The following ADAMTS9 variants were observed in gnomAD, a reference collection of about 807,000 sequenced individuals.
The protein encoded by ADAMTS9 is ADAM metallopeptidase with thrombospondin type 1 motif 9, also known as A disintegrin and metalloproteinase with thrombospondin motifs 9.
ADAMTS9 carries 107 observed loss-of-function variants against 257.1 expected under a neutral mutation model. The ratio of observed to expected loss-of-function variants is 0.42; its 90% CI spans 0.36 to 0.49. The LOEUF (loss-of-function observed/expected upper bound fraction) is 0.49. ADAMTS9 is among the 20% of genes least tolerant of loss of function. The probability of loss-of-function intolerance (pLI) is 0.03; values close to 1 mark genes in which losing one functional copy is unlikely to be tolerated. For missense variants in ADAMTS9, 2,353 were observed against 2,469.1 expected, an observed-to-expected ratio of 0.95 and a Z score of 1.00; for synonymous variants, 982 against 880.9, an observed-to-expected ratio of 1.11 and a Z score of -2.03.
At chr3:64,525,421 T>C (rs13087021) in intron 38 of ADAMTS9, among the ~76,000 whole-genome samples, 95,296 of 151,996 alleles carry the variant, frequency 0.63, 35,247 homozygotes, top group Non-Finnish European at 0.85. Context: ...AATAACACTA[T>C]GATGAACATA....
In ADAMTS9 at chr3:64,624,565, G is replaced by C. The variant is rs576153705; in HGVS notation, c.2390-1979C>G. ...ATTTATTTATTAAAAGGTCAAGAGA[G>C]CTTATTGGGAAAGTTAATAAATCTC... On this transcript the variant is annotated intron_variant, in intron 16 of 39. Transcript: ENST00000498707. Among the ~76,000 whole-genome samples, 97 of 152,242 alleles carry C rather than the reference G, an allele frequency of 6.4e-4. 2 individuals carry two copies. The highest frequency in any genetic ancestry group is 2.0e-3 in the African/African-American group (85 of 41,572).
chr3:64,594,689 G>T (rs2084329797), intron 27 of ADAMTS9, among the ~76,000 whole-genome samples: 1 of 152,176 alleles, frequency 6.6e-6, no homozygotes, highest in African/African-American at 2.4e-5. Context: ...ATCTAATCAA[G>T]AGGAGTGTAA....
chr3:64,651,285 TGAACCCTG>T (rs1700925923), intron 8 of ADAMTS9, 122 bp from the exon 9 acceptor site: 1 of 710,040 alleles, frequency 1.4e-6, no homozygotes, highest in Non-Finnish European at 2.2e-6. Context: ...GATAAGAACC[TGAACCCTG>T]GTAAGCAGAA....
At chr3:64,670,758 C>G (rs1701467261) in intron 3 of ADAMTS9, among the ~76,000 whole-genome samples, 2 of 152,154 alleles carry the variant, frequency 1.3e-5, no homozygotes, top group Admixed American at 1.3e-4. Context: ...CAAATATGCA[C>G]ATGAAGAAAT....
At position 64,658,679 on chromosome 3, in the gene ADAMTS9, C is replaced by G. The variant is rs73832368; in HGVS notation, c.792G>C (p.Glu264Asp). 6.2e-7 allele frequency: 1 copy of G among 1,614,012 alleles called. No individual in the cohort carries two copies. The highest frequency in any genetic ancestry group is 1.3e-5 in the African/African-American group (1 of 74,968). Residue 264 changes from glutamate to aspartate, a missense_variant, in exon 4 of 40, where the codon GAG becomes GAC. Transcript: ENST00000498707. The part of the protein sequence containing the change: ...VAALNSGLAT[E>D]AFSAYGNKTD... ...TCTTATTACCATAAGCAGAAAATGC[C>G]TCTGTTGCTAAGCCGCTGTTTAATG...
intron 32 of ADAMTS9, 126 bp from the exon 33 acceptor site, chr3:64,542,096 AAT>A (rs2083131326): frequency 7.7e-7 from 1 of 1,297,024 alleles, no homozygotes; most frequent in African/African-American, 1.5e-5. Flanking sequence ...TGTGTCGCTG[AAT>A]ACAAAAAGCT....
At chr3:64,627,345 A>G (rs1700248820) in intron 16 of ADAMTS9, among the ~76,000 whole-genome samples, 1 of 151,822 alleles carries the variant, frequency 6.6e-6, no homozygotes, top group South Asian at 2.1e-4. Flanking sequence ...ATCTGCCGTG[A>G]TAAATGGTTT....
chr3:64,564,735 T>C (rs982245871), intron 29 of ADAMTS9, among the ~76,000 whole-genome samples: 1 of 151,816 alleles, frequency 6.6e-6, no homozygotes, highest in Non-Finnish European at 1.5e-5. Context: ...TCTCTAGACA[T>C]TCCCAAATGT....
chr3:64,631,768 A>ACC (rs1426456283), intron 15 of ADAMTS9, 40 bp downstream of exon 15: 2 of 1,534,338 alleles, frequency 1.3e-6, no homozygotes, highest in Non-Finnish European at 1.8e-6. Context: ...TCAAACTTTG[A>ACC]CCATATTCCT....
At chr3:64,633,333 G>T in intron 14 of ADAMTS9, 139 bp downstream of exon 14, 1 of 1,299,534 alleles carries the variant, frequency 7.7e-7, no homozygotes, top group Non-Finnish European at 1.1e-6. Context: ...TGCTGTTGCT[G>T]ATCCCGGGGC....
intron 26 of ADAMTS9, among the ~76,000 whole-genome samples, chr3:64,598,881 T>C (rs541433986): frequency 6.6e-6 from 1 of 152,318 alleles, no homozygotes; most frequent in Non-Finnish European, 1.5e-5. Context: ...CTCAATGTTT[T>C]AACCTGTGTC....
chr3:64,594,246 T>A lies in ADAMTS9; in HGVS notation c.4356+12A>T. The A allele has an allele frequency of 6.2e-7, 1 of 1,608,722 alleles. No individual in the cohort carries two copies. Among genetic ancestry groups the A allele is most frequent in the Non-Finnish European group, 8.5e-7 (1 of 1,176,762 alleles). On this transcript the variant is annotated intron_variant, in intron 28 of 39. Transcript: ENST00000498707. ...TAGTTTGGTTAACAAACATGAATAG[T>A]TAGGGCCGTACCGAGCTCCAAGGGC...
rs1413792579 is a variant in ADAMTS9, at chr3:64,655,641, G to A, written c.1104C>T (p.Cys368=). ...GACTGTTCTTCGAATGCTGCCACTGGCAAAAGTTTTTTAATGTTGTCTGAG... is the reference window on the plus strand; with the variant it reads ...GACTGTTCTTCGAATGCTGCCACTGACAAAAGTTTTTTAATGTTGTCTGAG... ...FNAQTTLKNF[C]QWQHSKNSPG... Residue 368 remains cysteine, a synonymous_variant, in exon 6 of 40, where the codon TGC becomes TGT. Coordinates refer to ENST00000498707, the MANE Select transcript of ADAMTS9 (RefSeq NM_182920.2). 1 of 1,614,108 alleles carries A rather than the reference G, an allele frequency of 6.2e-7. No individual in the cohort carries two copies. Among genetic ancestry groups the A allele is most frequent in the Admixed American group, 1.7e-5 (1 of 60,018 alleles).
At position 64,633,679 on chromosome 3, in the gene ADAMTS9, A is replaced by T; in HGVS notation, c.2038+19T>A. 6.2e-7 allele frequency: 1 copy of T among 1,613,690 alleles called. No individual in the cohort carries two copies. Among genetic ancestry groups the T allele is most frequent in the Non-Finnish European group, 8.5e-7 (1 of 1,179,870 alleles). On this transcript the variant is annotated intron_variant, in intron 13 of 39. Transcript: ENST00000498707. ...GTGCCGGCCGGCCAACGGTGAACAG[A>T]TACACCAGACACACTTACTTCCACT...
At chr3:64,631,723 T>C (rs1284370287) in intron 15 of ADAMTS9, 85 bp downstream of exon 15, 5 of 1,312,634 alleles carry the variant, frequency 3.8e-6, no homozygotes, top group Non-Finnish European at 5.5e-6. Flanking sequence ...TGCTCGACAT[T>C]AATATTTTTG....
At chr3:64,641,793 G>C in intron 12 of ADAMTS9, 55 bp downstream of exon 12, 1 of 1,600,008 alleles carries the variant, frequency 6.2e-7, no homozygotes. Context: ...ATTCCCTTTA[G>C]GAATTTCATG....
chr3:64,623,740 C>T (rs930222440), intron 16 of ADAMTS9, among the ~76,000 whole-genome samples: 3 of 152,178 alleles, frequency 2.0e-5, no homozygotes, highest in African/African-American at 7.2e-5. Context: ...TTTGTTTATA[C>T]TCTCTCTTTC....
intron 20 of ADAMTS9, 150 bp downstream of exon 20, chr3:64,615,810 T>C: frequency 2.1e-6 from 2 of 943,608 alleles, no homozygotes; most frequent in Non-Finnish European, 3.2e-6. Flanking sequence ...TGCTACTCTA[T>C]TCTGGAAAGC....
chr3:64,553,932 G>A (rs1013377378), intron 30 of ADAMTS9, among the ~76,000 whole-genome samples: 1 of 151,854 alleles, frequency 6.6e-6, no homozygotes, highest in African/African-American at 2.4e-5. Context: ...TGAGATAGAG[G>A]GCCACCGAAT....
Sources: gnomAD v4.1 joint callset for allele counts (sites outside exome capture counted in the v4.1 genomes callset) on GRCh38, gnomAD v4.1.1 for gene constraint, MANE v1.5 for transcripts, NCBI Gene and HGNC (gene_info 2026-07-23, HGNC 2026-07-21) for gene names.